The following CD300A variants were observed in gnomAD, a reference collection of about 807,000 sequenced individuals.
CD300A encodes the protein CD300a molecule.
Under a neutral mutation model 33.6 loss-of-function variants are expected in CD300A, and 22 were observed. The observed-to-expected ratio is 0.66, with a 90% CI of 0.47 to 0.94. CD300A has a LOEUF of 0.94. Among genes scored for constraint, CD300A ranks in the 40% least tolerant of loss-of-function variants. The pLI, the probability that CD300A is intolerant of heterozygous loss-of-function variation, is 0.00. For missense variants in CD300A, 326 were observed against 360.5 expected (o/e 0.90, Z 0.77); for synonymous variants, 136 against 148.1 (o/e 0.92, Z 0.59).
chr17:74,470,658 A>AT (rs35719402), intron 1 of CD300A, among the ~76,000 whole-genome samples: 33,044 of 151,622 alleles, frequency 0.22, 4,486 homozygotes, highest in East Asian at 0.59. Context: ...GTTTTTATTT[A>AT]TTTTTTTTGA....
At chr17:74,482,824 C>T (rs1390177743) in intron 6 of CD300A, among the ~76,000 whole-genome samples, 1 of 150,754 alleles carries the variant, frequency 6.6e-6, no homozygotes, top group Non-Finnish European at 1.5e-5. Flanking sequence ...AATTCTCCTG[C>T]CTCAGCCTCC....
At position 74,471,281 on chromosome 17, in the gene CD300A, C is replaced by A. The variant is rs1419011372; in HGVS notation, c.41-2255C>A. Among the ~76,000 whole-genome samples, 22 of 152,096 alleles carry A rather than the reference C, an allele frequency of 1.4e-4. 1 individual carries two copies. The South Asian group carries it at 4.4e-3, about 30-fold the overall frequency. On this transcript the variant is annotated intron_variant, in intron 1 of 6. Transcript: ENST00000360141. ...AGAATTTCTGCAAAATATCTTGACT[C>A]TTCATTCTTTCTTCATCTATGGTCC...
intron 2 of CD300A, 106 bp from the exon 3 acceptor site, chr17:74,474,426 C>G: frequency 8.7e-7 from 1 of 1,147,766 alleles, no homozygotes; most frequent in Non-Finnish European, 1.3e-6. Flanking sequence ...CATCCTGCCC[C>G]CTTCCTTAGT....
Position 74,484,032 on chromosome 17 carries a change from C to T in CD300A, c.806C>T (p.Ser269Leu), listed in dbSNP as rs372367932. ...CCCAGGGAAGAACTTCACTATGCCT[C>T]GGTGGTGTTTGATTCTAACACCAAC... ...ASPREELHYASVVFDSNTNRI... is the reference protein window; with the variant it reads ...ASPREELHYALVVFDSNTNRI... The change falls in exon 7 of 7, where the codon TCG becomes TTG. Residue 269 changes from serine (S) to leucine (L), a missense_variant. Physicochemically the swap from Ser to Leu is moderately radical, Grantham distance 145. Transcript: ENST00000360141. 1.1e-5 allele frequency: 17 copies of T among 1,613,892 alleles called. No homozygotes were observed. The highest frequency in any genetic ancestry group is 4.4e-5 in the South Asian group (4 of 91,072).
chr17:74,476,142 C>T (rs142076872), intron 3 of CD300A, among the ~76,000 whole-genome samples: 241 of 152,252 alleles, frequency 1.6e-3, no homozygotes, highest in African/African-American at 5.5e-3. Flanking sequence ...ACCTCCAGTC[C>T]CTCTTTGGGA....
At chr17:74,481,686 G>T in intron 5 of CD300A, 40 bp from the exon 6 acceptor site, 2 of 1,435,282 alleles carry the variant, frequency 1.4e-6, no homozygotes, top group South Asian at 1.2e-5. Flanking sequence ...GAGGCTGCAG[G>T]GCTCCGTGGA....
chr17:74,477,524 A>T lies in CD300A; in HGVS notation c.622A>T (p.Ile208Phe). The change falls in exon 4 of 7, where the codon ATC becomes TTC. Residue 208 changes from isoleucine (I) to phenylalanine (F), a missense_variant. Ile to Phe is a conservative substitution (Grantham distance 21). Transcript: ENST00000360141. ...AGCCTGGAGGATGTTTCAGAAATGG[A>T]TCAAAGGTGAGTTGGCTCCCCACAC... is the stretch of plus-strand genomic sequence containing the variant. ...LLAWRMFQKW[I>F]KAGDHSELSQ... 1 of 1,612,558 alleles carries T rather than the reference A, an allele frequency of 6.2e-7. No individual in the cohort carries two copies. Among genetic ancestry groups the T allele is most frequent in the African/African-American group, 1.3e-5 (1 of 74,878 alleles).
chr17:74,481,467 G>C lies in CD300A; in HGVS notation c.666+141G>C, dbSNP rs1339007020. The C allele has an allele frequency of 9.1e-6, 7 of 771,870 alleles. No homozygotes were observed. In the South Asian group the frequency reaches 9.7e-5, roughly 11 times the overall value. The allele number at this position is 771,870 out of a possible 1,614,324, so 47.8% of individuals were successfully genotyped here. A position where few individuals can be genotyped will look rare whatever the true frequency, so the allele number is the denominator to read the frequency against. On this transcript the variant is annotated intron_variant, in intron 5 of 6. Coordinates refer to ENST00000360141, the MANE Select transcript of CD300A (RefSeq NM_007261.4). ...CAGAGCAGGACGAATGATGCTGGGA[G>C]ATGTGGTCACTAGGTCTTGTTCTGA...
Position 74,484,003 on chromosome 17 carries a change from C to G in CD300A, c.777C>G (p.Ala259=). 6.2e-7 allele frequency: 1 copy of G among 1,613,840 alleles called. No homozygotes were observed. The highest frequency in any genetic ancestry group is 8.5e-7 in the Non-Finnish European group (1 of 1,179,822). Residue 259 remains alanine, a splice_region_variant and synonymous_variant, in exon 7 of 7, where the codon GCC becomes GCG. Coordinates refer to ENST00000360141, the MANE Select transcript of CD300A (RefSeq NM_007261.4). ...AGTTTCTTGGTTTCTCTCTGCAGGC[C>G]TCCCCCAGGGAAGAACTTCACTATG... ...REVEVEYSTV[A]SPREELHYAS...
intron 3 of CD300A, among the ~76,000 whole-genome samples, chr17:74,476,851 A>C (rs546128424): frequency 6.6e-6 from 1 of 152,318 alleles, no homozygotes; most frequent in East Asian, 1.9e-4. Flanking sequence ...TTGCTAAGTA[A>C]AACCAGAATA....
rs759313625 is a variant in CD300A, at chr17:74,473,863, C to A, written c.368C>A (p.Ser123Tyr). 9 of 1,609,720 alleles carry A rather than the reference C, an allele frequency of 5.6e-6. No homozygotes were observed. Among genetic ancestry groups the A allele is most frequent in the Middle Eastern group, 1.7e-4 (1 of 6,046 alleles). The part of the protein sequence containing the change: ...FHDPVVEVEV[S>Y]VFPASTSMTP... ...GATCCCGTTGTCGAGGTTGAGGTGT[C>A]CGTGTTCCCGGGTGAGCCCCTCCTT... Residue 123 changes from serine (S) to tyrosine (Y), a missense_variant, in exon 2 of 7, where the codon TCC (serine) becomes TAC (tyrosine). By Grantham distance (144) the Ser-to-Tyr change is moderately radical. Transcript: ENST00000360141.
At chr17:74,476,983 A>G (rs912441063) in intron 3 of CD300A, among the ~76,000 whole-genome samples, 2 of 152,030 alleles carry the variant, frequency 1.3e-5, no homozygotes, top group African/African-American at 4.8e-5. Flanking sequence ...GTATGTGGGG[A>G]AATTGGGGAA....
intron 1 of CD300A, among the ~76,000 whole-genome samples, chr17:74,469,683 G>A (rs1265801482): frequency 6.6e-6 from 1 of 152,094 alleles, no homozygotes; most frequent in Non-Finnish European, 1.5e-5. Context: ...AATTAGCCAG[G>A]CATGGTAGTG....
chr17:74,482,314 G>C (rs956224483), intron 6 of CD300A, among the ~76,000 whole-genome samples: 22 of 151,890 alleles, frequency 1.4e-4, no homozygotes, highest in African/African-American at 5.1e-4. Context: ...AGAAGCTGGG[G>C]GTCACTTGGC....
intron 6 of CD300A, among the ~76,000 whole-genome samples, chr17:74,482,705 T>TTCCTAC (rs780814974): frequency 8.7e-6 from 1 of 114,432 alleles, no homozygotes; most frequent in African/African-American, 4.8e-5. Context: ...TTCCTTTCTT[T>TTCCTAC]CTTTCTTTCT....
At chr17:74,476,692 G>C (rs560108168) in intron 3 of CD300A, among the ~76,000 whole-genome samples, 1 of 152,152 alleles carries the variant, frequency 6.6e-6, no homozygotes, top group East Asian at 1.9e-4. Context: ...TATAAGCAAC[G>C]TTTACCATTG....
intron 3 of CD300A, among the ~76,000 whole-genome samples, chr17:74,476,419 T>C (rs1213083601): frequency 6.6e-6 from 1 of 152,174 alleles, no homozygotes; most frequent in African/African-American, 2.4e-5. Flanking sequence ...AATTCAGGCT[T>C]GAACATGCCA....
Position 74,484,226 on chromosome 17 carries a change from C to T in CD300A, c.*100C>T. 2 of 1,243,602 alleles carry T rather than the reference C, an allele frequency of 1.6e-6. No individual in the cohort carries two copies. Among genetic ancestry groups the T allele is most frequent in the Non-Finnish European group, 2.2e-6 (2 of 889,454 alleles). The allele number at this position is 1,243,602 out of a possible 1,614,324, so 77.0% of individuals were successfully genotyped here. The stretch of plus-strand genomic sequence containing the variant: ...CACGTCCTTCTCAGCCTGCCCTCGA[C>T]AACAGTGACCAACAGACAGGCAGCT... On this transcript the variant is annotated 3_prime_UTR_variant, in exon 7 of 7. Coordinates refer to ENST00000360141, the MANE Select transcript of CD300A (RefSeq NM_007261.4).
At chr17:74,471,404 T>C (rs755208525) in intron 1 of CD300A, among the ~76,000 whole-genome samples, 1 of 152,194 alleles carries the variant, frequency 6.6e-6, no homozygotes, top group African/African-American at 2.4e-5. Flanking sequence ...AAAAGTTTAA[T>C]ATCAGCCATT....
Sources: allele counts gnomAD v4.1 joint callset (sites outside exome capture counted in the v4.1 genomes callset), GRCh38; gene constraint gnomAD v4.1.1; transcripts MANE v1.5; gene names NCBI Gene and HGNC (gene_info 2026-07-23, HGNC 2026-07-21).